LGI1: variants seen among roughly 807,000 people sequenced by gnomAD.
LGI1 encodes leucine rich glioma inactivated 1, also known as leucine-rich glioma-inactivated protein 1.
A neutral mutation model predicts 57.7 loss-of-function variants in LGI1; 11 were observed. That is an observed-to-expected ratio of 0.19 (90% CI 0.12 to 0.32). The LOEUF is 0.32. Among genes scored for constraint, LGI1 ranks in the 10% least tolerant of loss-of-function variants. The pLI is 1.00. For missense variants in LGI1, 422 were observed against 661.9 expected (o/e 0.64, Z 3.98); for synonymous variants, 222 against 241.9 (o/e 0.92, Z 0.76).
At chr10:93,777,843 A>G (rs1256753665) in intron 4 of LGI1, among the ~76,000 whole-genome samples, 4 of 152,244 alleles carry the variant, frequency 2.6e-5, no homozygotes, top group Non-Finnish European at 2.9e-5. Flanking sequence ...TTAGAAAAGC[A>G]ATCTAATGCA....
chr10:93,759,743 T>C (rs988842162), intron 2 of LGI1, among the ~76,000 whole-genome samples: 43 of 152,318 alleles, frequency 2.8e-4, no homozygotes, highest in African/African-American at 9.6e-4. Context: ...TTCACTTGTT[T>C]GTTTTTTATT....
chr10:93,779,796 C>CT (rs1377481844), intron 4 of LGI1, among the ~76,000 whole-genome samples: 1 of 152,154 alleles, frequency 6.6e-6, no homozygotes, highest in Non-Finnish European at 1.5e-5. Context: ...AGGCATGACT[C>CT]TTAACAGGCA....
chr10:93,758,914 T>C lies in LGI1; in HGVS notation c.287+83T>C. ...CTAGTAAAATGATCTCAATATTAAT[T>C]TTGTCAAATGTGATTCTATTTCTGA... On this transcript the variant is annotated intron_variant, in intron 2 of 7. Coordinates refer to ENST00000371418, the MANE Select transcript of LGI1 (RefSeq NM_005097.4). The surrounding 1 kb of genome is among the most constrained non-coding windows in gnomAD (Gnocchi z 4.7). 2 of 1,048,378 alleles carry C rather than the reference T, an allele frequency of 1.9e-6. No individual in the cohort carries two copies. The highest frequency in any genetic ancestry group is 2.9e-6 in the Non-Finnish European group (2 of 678,532). 64.9% of individuals were successfully genotyped at this position (1,048,378 alleles called of 1,614,324 possible).
Position 93,787,962 on chromosome 10 carries a change from T to C in LGI1, c.432-2137T>C, listed in dbSNP as rs972149858. On this transcript the variant is annotated intron_variant, in intron 4 of 7. Transcript: ENST00000371418. ...GGACAGTAAGACAAGCATGGTGCCT[T>C]CTCCTGTATAGCCCCTATTGGCAGT... Among the ~76,000 whole-genome samples the C allele has an allele frequency of 9.2e-5, 14 of 152,058 alleles. No individual in the cohort carries two copies. In the East Asian group the frequency reaches 2.7e-3, roughly 30 times the overall value.
intron 2 of LGI1, chr10:93,762,606 TA>T (rs1249998145): frequency 1.3e-5 from 2 of 152,198 alleles, no homozygotes; most frequent in Non-Finnish European, 2.9e-5. Flanking sequence ...ATTAGCTGGT[TA>T]TAGGTGAGCA....
chr10:93,794,019 C>CTTTTTTTTTTTTTTTTTTT (rs5787082), intron 7 of LGI1: 12 of 87,834 alleles, frequency 1.4e-4, no homozygotes, highest in African/African-American at 4.4e-4. Flanking sequence ...CTTTTTTTTT[C>CTTTTTTTTTTTTTTTTTTT]TTTTTTTTTT....
In LGI1 at chr10:93,797,584, T is replaced by TAA; in HGVS notation, c.1456_1457dup (p.Asn486LysfsTer28). On this transcript the variant is annotated frameshift_variant, in exon 8 of 8. Transcript: ENST00000371418. LOFTEE classifies it high-confidence loss of function. The surrounding 1 kb of genome is among the most constrained non-coding windows in gnomAD (Gnocchi z 6.5). Reference sequence around the variant, plus strand: ...TGGTGTTCCAGCCTCTTCAAATAAATAATTACCAATATGCAATTCTTGGAA... The same window carrying TAA: ...TGGTGTTCCAGCCTCTTCAAATAAATAAAATTACCAATATGCAATTCTTGGAA... 1 of 1,614,150 alleles carries TAA rather than the reference T, an allele frequency of 6.2e-7. No individual in the cohort carries two copies. Among genetic ancestry groups the TAA allele is most frequent in the Non-Finnish European group, 8.5e-7 (1 of 1,179,998 alleles).
chr10:93,793,266 A>G lies in LGI1; in HGVS notation c.754A>G (p.Ile252Val). Residue 252 changes from isoleucine (I) to valine (V), a missense_variant, in exon 7 of 8, where the codon ATC (isoleucine) becomes GTC (valine). This residue lies in a region of LGI1 where 301 missense variants were observed against 461.7 expected (regional missense o/e 0.65). Coordinates refer to ENST00000371418, the MANE Select transcript of LGI1 (RefSeq NM_005097.4). ...FSYLNDEYVV[I>V]AQPFTGKCIF... The stretch of plus-strand genomic sequence containing the variant: ...TTATTTGAATGATGAGTATGTAGTC[A>G]TCGCTCAGCCTTTTACTGGAAAATG... 2 of 1,613,276 alleles carry G rather than the reference A, an allele frequency of 1.2e-6. No homozygotes were observed. Among genetic ancestry groups the G allele is most frequent in the African/African-American group, 1.3e-5 (1 of 75,050 alleles).
rs1234339369 is a variant in LGI1 at position 93,758,191 on chromosome 10, T to G, written c.47T>G (p.Leu16Arg). 7 of 1,614,204 alleles carry G rather than the reference T, an allele frequency of 4.3e-6. No individual in the cohort carries two copies. In the East Asian group the frequency reaches 1.3e-4, roughly 31 times the overall value. Residue 16 changes from leucine to arginine, a missense_variant, in exon 1 of 8, where the codon CTG (leucine) becomes CGG (arginine). Transcript: ENST00000371418. This position sits in a 1 kb window ranked among gnomAD's most constrained non-coding sequence, Gnocchi z 4.7. Reference sequence around the variant, plus strand: ...AGGATGGGAAATGCCTGCATTCCCCTGAAAAGAATTGCTTATTTCCTATGT... The same window carrying G: ...AGGATGGGAAATGCCTGCATTCCCCGGAAAAGAATTGCTTATTTCCTATGT... ...SKRMGNACIP[L>R]KRIAYFLCLL...
intron 2 of LGI1, among the ~76,000 whole-genome samples, chr10:93,775,418 AG>A (rs2059784610): frequency 6.6e-6 from 1 of 152,226 alleles, no homozygotes; most frequent in African/African-American, 2.4e-5. Flanking sequence ...CTTGAAATGT[AG>A]TTCAACAAAC....
In LGI1 at chr10:93,758,688, G is replaced by C; in HGVS notation, c.216-72G>C. 9.4e-7 allele frequency: 1 copy of C among 1,065,492 alleles called. No homozygotes were observed. Among genetic ancestry groups the C allele is most frequent in the Non-Finnish European group, 1.4e-6 (1 of 690,592 alleles). 66.0% of individuals were successfully genotyped at this position (1,065,492 alleles called of 1,614,324 possible). ...GTTATGCTAAACCGGATTAACATAA[G>C]GTTTGTTCTGTGTGTGTGTGTCTCT... is the stretch of plus-strand genomic sequence containing the variant. On this transcript the variant is annotated intron_variant, in intron 1 of 7. Transcript: ENST00000371418. The surrounding 1 kb of genome is among the most constrained non-coding windows in gnomAD (Gnocchi z 4.7).
chr10:93,795,560 G>A (rs2059973424), intron 7 of LGI1, among the ~76,000 whole-genome samples: 1 of 152,142 alleles, frequency 6.6e-6, no homozygotes, highest in Non-Finnish European at 1.5e-5. Flanking sequence ...AAATTTTGGA[G>A]GGACAGAAAC....
rs1197696356 is a variant in LGI1, at chr10:93,786,655, G to A, written c.432-3444G>A. Reference sequence around the variant, plus strand: ...TCTGTCACCCAGGCTGGAGTGCAGTGGTATGATCATGGCTCACTGCAGCCT... The same window carrying A: ...TCTGTCACCCAGGCTGGAGTGCAGTAGTATGATCATGGCTCACTGCAGCCT... On this transcript the variant is annotated intron_variant, in intron 4 of 7. Transcript: ENST00000371418. Among the ~76,000 whole-genome samples the A allele has an allele frequency of 2.0e-3, 40 of 19,566 alleles. 11 individuals carry two copies. Among genetic ancestry groups the A allele is most frequent in the African/African-American group, 2.2e-3 (40 of 17,922 alleles). The allele number at this position is 19,566 out of a possible 152,430, so 12.8% of individuals were successfully genotyped here.
At chr10:93,774,106 C>T (rs1429014261) in intron 2 of LGI1, among the ~76,000 whole-genome samples, 1 of 152,166 alleles carries the variant, frequency 6.6e-6, no homozygotes, top group Admixed American at 6.5e-5. Context: ...CCCACACCAA[C>T]GGCTCCAGGC....
intron 7 of LGI1, 54 bp downstream of exon 7, chr10:93,793,404 G>A (rs568626175): frequency 2.0e-6 from 3 of 1,474,188 alleles, no homozygotes; most frequent in East Asian, 2.3e-5. Flanking sequence ...TTCAGCCAAG[G>A]GCAACAAGGA....
intron 4 of LGI1, chr10:93,788,420 A>ACG (rs1195675016): frequency 2.0e-5 from 3 of 150,902 alleles, no homozygotes; most frequent in Admixed American, 2.0e-4. Context: ...TAGTTCAGAC[A>ACG]CCTGCACCAT....
chr10:93,781,426 G>A (rs896522681), intron 4 of LGI1, among the ~76,000 whole-genome samples: 2 of 151,908 alleles, frequency 1.3e-5, no homozygotes, highest in East Asian at 1.9e-4. Context: ...GCTATCAGGC[G>A]AGATCCTCCC....
chr10:93,778,345 TCACACACACACACACACACA>T (rs60017902), intron 4 of LGI1, among the ~76,000 whole-genome samples: 5 of 148,752 alleles, frequency 3.4e-5, no homozygotes, highest in East Asian at 2.0e-4. Flanking sequence ...ACAAACACAT[TCACACACACACACACACACA>T]CACACACACA....
intron 2 of LGI1, chr10:93,768,422 C>T (rs1486399700): frequency 6.6e-6 from 1 of 152,102 alleles, no homozygotes; most frequent in East Asian, 1.9e-4. Context: ...AAACCTACAT[C>T]TTAGTATTCA....
Sources: allele counts gnomAD v4.1 joint callset (sites outside exome capture counted in the v4.1 genomes callset), GRCh38; gene constraint gnomAD v4.1.1; regional missense constraint gnomAD v4.1.1; non-coding constraint Gnocchi (gnomAD v3.1); transcripts MANE v1.5; gene names NCBI Gene and HGNC (gene_info 2026-07-23, HGNC 2026-07-21).